The following APBB2 variants were observed in gnomAD, a reference collection of about 807,000 sequenced individuals.
APBB2 encodes the protein Fe65-like 1.
In APBB2, 38 loss-of-function variants were observed where a neutral mutation model predicts 82.5. That is an observed-to-expected ratio of 0.46 (90% CI 0.36 to 0.60). The LOEUF (loss-of-function observed/expected upper bound fraction) is 0.60. Ranked by LOEUF, APBB2 falls within the 20% of genes least tolerant of loss-of-function variation. APBB2 has a pLI of 0.00. For synonymous variants in APBB2, 341 were observed against 368.2 expected (o/e 0.93, Z 0.85); for missense variants, 772 against 972.3 (o/e 0.79, Z 2.74).
At position 40,898,825 on chromosome 4, in the gene APBB2, AAAAG is replaced by A. The variant is rs1277230621; in HGVS notation, c.1255-5418_1255-5415del. Reference sequence around the variant, plus strand: ...CAGAGTGAGACTCCATCTCAAAAAAAAAAGAAAGAAAAAAGAAACACACACACAC... The same window carrying A: ...CAGAGTGAGACTCCATCTCAAAAAAAAAAGAAAAAAGAAACACACACACAC... On this transcript the variant is annotated intron_variant, in intron 10 of 17. Transcript: ENST00000508593. Among the ~76,000 whole-genome samples the A allele has an allele frequency of 9.2e-4, 134 of 145,340 alleles. 2 individuals are homozygous for A. Among genetic ancestry groups the A allele is most frequent in the African/African-American group, 2.5e-3 (100 of 39,572 alleles).
intron 1 of APBB2, among the ~76,000 whole-genome samples, chr4:41,168,683 C>T (rs1464050471): frequency 6.6e-6 from 1 of 152,172 alleles, no homozygotes; most frequent in African/African-American, 2.4e-5. Flanking sequence ...TAAAGATCTA[C>T]AGAGAAATAG....
At chr4:41,201,852 T>A (rs1443490108) in intron 1 of APBB2, among the ~76,000 whole-genome samples, 1 of 152,306 alleles carries the variant, frequency 6.6e-6, no homozygotes, top group Middle Eastern at 3.4e-3. Flanking sequence ...AAGTCAGTAA[T>A]ATACACGGCC....
chr4:40,937,285 T>C (rs1486878683), intron 7 of APBB2, among the ~76,000 whole-genome samples: 3 of 152,188 alleles, frequency 2.0e-5, no homozygotes, highest in South Asian at 4.1e-4. Flanking sequence ...GGACCCTATA[T>C]GTTGAGGCTA....
At chr4:41,049,929 T>C (rs1311316263) in intron 4 of APBB2, among the ~76,000 whole-genome samples, 1 of 152,062 alleles carries the variant, frequency 6.6e-6, no homozygotes, top group African/African-American at 2.4e-5. Flanking sequence ...GCATGCTCGT[T>C]AAGAGTCATC....
At chr4:41,069,453 C>G (rs140556301) in intron 3 of APBB2, among the ~76,000 whole-genome samples, 112 of 152,340 alleles carry the variant, frequency 7.4e-4, no homozygotes, top group African/African-American at 2.4e-3. Flanking sequence ...GTTCCCCAGA[C>G]AGCCTTTGTG....
At chr4:41,036,178 A>G (rs887777530) in intron 4 of APBB2, among the ~76,000 whole-genome samples, 12 of 152,170 alleles carry the variant, frequency 7.9e-5, no homozygotes, top group South Asian at 2.1e-4. Flanking sequence ...TTAAAAAATA[A>G]AAAGTATACA....
intron 7 of APBB2, among the ~76,000 whole-genome samples, chr4:40,944,474 G>A (rs77018152): frequency 0.049 from 7,435 of 152,192 alleles, 368 homozygotes; most frequent in African/African-American, 0.12. Flanking sequence ...AATAAGATAC[G>A]CAGTAATTAT....
intron 10 of APBB2, among the ~76,000 whole-genome samples, chr4:40,909,378 T>C (rs1268139651): frequency 6.6e-6 from 1 of 152,162 alleles, no homozygotes; most frequent in African/African-American, 2.4e-5. Context: ...CACTCCAGTT[T>C]TCAATCCCCA....
intron 12 of APBB2, among the ~76,000 whole-genome samples, chr4:40,860,943 A>G (rs766345004): frequency 3.3e-5 from 5 of 152,150 alleles, no homozygotes; most frequent in Non-Finnish European, 7.4e-5. Flanking sequence ...AGGGCTCGTC[A>G]CCCTTGCCTT....
intron 4 of APBB2, among the ~76,000 whole-genome samples, chr4:41,046,066 A>G (rs1242828605): frequency 6.6e-6 from 1 of 152,212 alleles, no homozygotes; most frequent in Non-Finnish European, 1.5e-5. Context: ...TAGATACCAT[A>G]TATCTTTAAA....
intron 3 of APBB2, among the ~76,000 whole-genome samples, chr4:41,094,755 G>C (rs1364192839): frequency 6.6e-6 from 1 of 152,068 alleles, no homozygotes; most frequent in Non-Finnish European, 1.5e-5. Flanking sequence ...AGTAGAGACG[G>C]GGTTTCGCTA....
intron 1 of APBB2, among the ~76,000 whole-genome samples, chr4:41,172,842 T>C (rs972168031): frequency 1.3e-5 from 2 of 152,260 alleles, no homozygotes; most frequent in Non-Finnish European, 2.9e-5. Flanking sequence ...GCTGTCATTT[T>C]TTTCAAGGAT....
At chr4:41,108,554 C>T (rs1312744649) in intron 2 of APBB2, among the ~76,000 whole-genome samples, 1 of 152,208 alleles carries the variant, frequency 6.6e-6, no homozygotes, top group Admixed American at 6.5e-5. Context: ...AGGTTTAAAA[C>T]ATTCAGCCTG....
intron 8 of APBB2, 185 bp downstream of exon 8, chr4:40,934,892 A>C (rs1785031009): frequency 3.0e-6 from 2 of 677,748 alleles, no homozygotes; most frequent in Admixed American, 5.7e-5. Flanking sequence ...CGGGGAACCT[A>C]GGGCATTCAC....
At chr4:41,070,329 G>C (rs1411987639) in intron 3 of APBB2, among the ~76,000 whole-genome samples, 1 of 151,928 alleles carries the variant, frequency 6.6e-6, no homozygotes, top group African/African-American at 2.4e-5. Flanking sequence ...TATTTTTTGA[G>C]ACAGAGTTTC....
At chr4:40,953,794 G>C (rs774710408) in intron 6 of APBB2, among the ~76,000 whole-genome samples, 1 of 152,192 alleles carries the variant, frequency 6.6e-6, no homozygotes, top group Non-Finnish European at 1.5e-5. Flanking sequence ...TGCTGACAGG[G>C]GACAGGTCAA....
intron 5 of APBB2, among the ~76,000 whole-genome samples, chr4:41,027,387 A>G (rs1714822928): frequency 1.5e-5 from 1 of 67,484 alleles, no homozygotes; most frequent in Admixed American, 1.6e-4. Context: ...ATATATATAT[A>G]TATATATATA....
At chr4:40,972,445 T>TAATAAATAAATATATA (rs1560420946) in intron 6 of APBB2, among the ~76,000 whole-genome samples, 1,597 of 147,066 alleles carry the variant, frequency 0.011, 35 homozygotes, top group African/African-American at 0.038. Flanking sequence ...AAAAAAATAA[T>TAATAAATAAATATATA]AATAAATAAA....
At chr4:41,043,747 TC>T (rs35569663) in intron 4 of APBB2, among the ~76,000 whole-genome samples, 37,884 of 152,074 alleles carry the variant, frequency 0.25, 4,864 homozygotes, top group Admixed American at 0.33. Flanking sequence ...GAGTGTATAA[TC>T]CTAGTCACCA....
Sources: allele counts gnomAD v4.1 joint callset (sites outside exome capture counted in the v4.1 genomes callset), GRCh38; gene constraint gnomAD v4.1.1; transcripts MANE v1.5; gene names NCBI Gene and HGNC (gene_info 2026-07-23, HGNC 2026-07-21).